Variants in SLC26A11 observed in about 807,000 individuals in gnomAD.
The protein encoded by SLC26A11 is sodium-independent sulfate anion transporter.
SLC26A11 carries 58 observed loss-of-function variants against 62.2 expected under a neutral mutation model. The observed-to-expected ratio is 0.93, with a 90% confidence interval of 0.76 to 1.16. The LOEUF is 1.16. SLC26A11 is among the 50% of genes most tolerant of loss of function. SLC26A11 has a pLI of 0.00. For synonymous variants in SLC26A11, 411 were observed against 368.9 expected, an observed-to-expected ratio of 1.11 and a Z score of -1.31; for missense variants, 790 against 794.3, an observed-to-expected ratio of 0.99 and a Z score of 0.06.
Position 80,241,785 on chromosome 17 carries a change from T to TA in SLC26A11, c.1001dup (p.Tyr334Ter). 6.2e-7 allele frequency: 1 copy of TA among 1,614,168 alleles called. No homozygotes were observed. Among genetic ancestry groups the TA allele is most frequent in the Non-Finnish European group, 8.5e-7 (1 of 1,180,034 alleles). The change falls in exon 10 of 18, where the codon TAC becomes TAAC. Residue 334 changes from tyrosine (Y) to a stop codon, truncating the protein, a stop_gained and frameshift_variant. Coordinates refer to ENST00000361193, the MANE Select transcript of SLC26A11 (RefSeq NM_001166347.2). LOFTEE classifies it high-confidence loss of function. ...GTTCCCTTTAGCATCTCAGAATAAT[T>TA]ACCGCATCGATGCCAACCAGGAGCT... ...VAKAFASQNN[Y>*]RIDANQELLA...
At chr17:80,225,185 G>T (rs927560773) in intron 5 of SLC26A11, among the ~76,000 whole-genome samples, 2 of 143,302 alleles carry the variant, frequency 1.4e-5, no homozygotes, top group African/African-American at 5.2e-5. Flanking sequence ...CCAACCCCCC[G>T]CCGCTCTCTA....
intron 7 of SLC26A11, among the ~76,000 whole-genome samples, chr17:80,232,990 A>T (rs2042600476): frequency 6.6e-6 from 1 of 152,088 alleles, no homozygotes; most frequent in South Asian, 2.1e-4. Context: ...GCTCACACCT[A>T]TAATCCTAGC....
chr17:80,249,385 C>T (rs2043099456), intron 16 of SLC26A11, 98 bp downstream of exon 16: 1 of 1,487,398 alleles, frequency 6.7e-7, no homozygotes, highest in Non-Finnish European at 9.1e-7. Context: ...GGCTGTGATG[C>T]TGGACGGCCC....
At position 80,252,425 on chromosome 17, in the gene SLC26A11, C is replaced by T. The variant is rs536606168; in HGVS notation, c.1730-200C>T. ...GTACCCTGGAGCAGTAAGAAAGGGC[C>T]GTTAGTCACCTGAAAAATACGCTTA... On this transcript the variant is annotated intron_variant, in intron 17 of 17. Transcript: ENST00000361193. This position sits in a 1 kb window ranked among gnomAD's most constrained non-coding sequence, Gnocchi z 5.2. Among the ~76,000 whole-genome samples, 3 of 152,114 alleles carry T rather than the reference C, an allele frequency of 2.0e-5. No homozygotes were observed. Among genetic ancestry groups the T allele is most frequent in the Admixed American group, 6.5e-5 (1 of 15,286 alleles).
At chr17:80,237,488 G>A in intron 8 of SLC26A11, 34 bp from the exon 9 acceptor site, 1 of 1,586,282 alleles carries the variant, frequency 6.3e-7, no homozygotes. Context: ...TACCCCTTAG[G>A]AAGGTCACTC....
Position 80,221,745 on chromosome 17 carries a change from C to G in SLC26A11, c.185C>G (p.Ala62Gly), listed in dbSNP as rs780138047. 1 of 1,613,516 alleles carries G rather than the reference C, an allele frequency of 6.2e-7. No individual in the cohort carries two copies. The highest frequency in any genetic ancestry group is 8.5e-7 in the Non-Finnish European group (1 of 1,180,036). Residue 62 changes from alanine to glycine, a missense_variant, in exon 3 of 18, where the codon GCC (alanine) becomes GGC (glycine). Transcript: ENST00000361193. ...GCCGGCCTCTCAGTTGGCCTCACTGCCATTCCCCAGGCGCTGGCCTATGCT... is the reference window on the plus strand; with the variant it reads ...GCCGGCCTCTCAGTTGGCCTCACTGGCATTCCCCAGGCGCTGGCCTATGCT... Reference protein sequence around the residue: ...FVAGLSVGLTAIPQALAYAEV... With the variant: ...FVAGLSVGLTGIPQALAYAEV...
intron 6 of SLC26A11, among the ~76,000 whole-genome samples, chr17:80,226,889 G>A (rs1037732804): frequency 1.3e-5 from 2 of 152,154 alleles, no homozygotes; most frequent in Non-Finnish European, 2.9e-5. Flanking sequence ...GGCGATCCTG[G>A]ACCATCTTCC....
chr17:80,236,240 C>T (rs2042686824), intron 7 of SLC26A11, among the ~76,000 whole-genome samples: 1 of 152,186 alleles, frequency 6.6e-6, no homozygotes, highest in Non-Finnish European at 1.5e-5. Context: ...TTGCCTCGAC[C>T]AGTTCTCTGC....
At chr17:80,232,746 C>T (rs2042595230) in intron 7 of SLC26A11, among the ~76,000 whole-genome samples, 1 of 152,120 alleles carries the variant, frequency 6.6e-6, no homozygotes, top group African/African-American at 2.4e-5. Flanking sequence ...CTGTTTGTCT[C>T]ATTTGTTCTT....
intron 16 of SLC26A11, 148 bp from the exon 17 acceptor site, chr17:80,251,181 T>G (rs1360504168): frequency 5.3e-6 from 8 of 1,502,832 alleles, no homozygotes; most frequent in Non-Finnish European, 7.3e-6. Flanking sequence ...AGCATTCCCC[T>G]GGGGCTGCGT....
In SLC26A11 at chr17:80,246,427, C is replaced by T. The variant is rs1221283242; in HGVS notation, c.1154-82C>T. On this transcript the variant is annotated intron_variant, in intron 12 of 17. Transcript: ENST00000361193. This position sits in a 1 kb window ranked among gnomAD's most constrained non-coding sequence, Gnocchi z 4.4. ...TACCCCCACCCCTGTCCCCAGTGGG[C>T]TCTGCTGAACAAGAGGCTGCTACGC... 1 of 1,572,800 alleles carries T rather than the reference C, an allele frequency of 6.4e-7. No individual in the cohort carries two copies. Among genetic ancestry groups the T allele is most frequent in the Non-Finnish European group, 8.6e-7 (1 of 1,161,706 alleles).
intron 13 of SLC26A11, among the ~76,000 whole-genome samples, chr17:80,247,397 C>T (rs1272291785): frequency 1.3e-5 from 2 of 152,120 alleles, no homozygotes; most frequent in East Asian, 1.9e-4. Context: ...CAGAGGGGCT[C>T]CTCACTTCCC....
chr17:80,238,795 T>G (rs561255381), intron 9 of SLC26A11, among the ~76,000 whole-genome samples: 3 of 151,284 alleles, frequency 2.0e-5, no homozygotes, highest in Admixed American at 6.6e-5. Context: ...CTCTAACCCT[T>G]ACCCCCTTCA....
intron 5 of SLC26A11, 128 bp from the exon 6 acceptor site, chr17:80,225,709 G>C (rs1381198349): frequency 1.2e-6 from 1 of 807,258 alleles, no homozygotes; most frequent in Non-Finnish European, 2.0e-6. Context: ...GATGGGCCCC[G>C]GGAATAAGGG....
rs1598806103 is a variant in SLC26A11, at chr17:80,230,797, C to T, written c.736+2837C>T. Among the ~76,000 whole-genome samples the T allele has an allele frequency of 3.9e-5, 6 of 152,268 alleles. No individual in the cohort carries two copies. In the South Asian group the frequency reaches 1.2e-3, roughly 32 times the overall value. On this transcript the variant is annotated intron_variant, in intron 7 of 17. Coordinates refer to ENST00000361193, the MANE Select transcript of SLC26A11 (RefSeq NM_001166347.2). ...TTCTCCCCAGTGTGTGTAGCATTGT[C>T]TTAGGAAACTACTTAAAAAGCTTTT...
rs756288564 is a variant in SLC26A11 at position 80,221,565 on chromosome 17, C to T, written c.5C>T (p.Pro2Leu). Residue 2 changes from proline to leucine, a missense_variant, in exon 3 of 18, where the codon CCT (proline) becomes CTT (leucine). By Grantham distance (98) the Pro-to-Leu change is moderately conservative (BLOSUM62 -3). Coordinates refer to ENST00000361193, the MANE Select transcript of SLC26A11 (RefSeq NM_001166347.2). ...CCCCCCAGCCCCACCGTAGAGATGC[C>T]TTCTTCGGTGACGGCGCTGGGTCAG... M[P>L]SSVTALGQAR... is the part of the protein sequence containing the mutation. 14 of 1,592,704 alleles carry T rather than the reference C, an allele frequency of 8.8e-6. No homozygotes were observed. Among genetic ancestry groups the T allele is most frequent in the Non-Finnish European group, 1.2e-5 (14 of 1,174,024 alleles).
chr17:80,249,011 C>G, intron 15 of SLC26A11, 143 bp from the exon 16 acceptor site: 1 of 1,041,122 alleles, frequency 9.6e-7, no homozygotes, highest in Non-Finnish European at 1.4e-6. Flanking sequence ...ACCCGAATCC[C>G]CCAACTGGGC....
At chr17:80,224,568 G>A (rs2042352461) in intron 5 of SLC26A11, among the ~76,000 whole-genome samples, 1 of 152,146 alleles carries the variant, frequency 6.6e-6, no homozygotes, top group South Asian at 2.1e-4. Flanking sequence ...ACCCCGGGAG[G>A]TAGATTTATC....
rs2144926353 is a variant in SLC26A11 at position 80,236,784 on chromosome 17, T to A, written c.737-144T>A. 3.6e-6 allele frequency: 3 copies of A among 829,842 alleles called. No individual in the cohort carries two copies. In the African/African-American group the frequency reaches 5.1e-5, roughly 14 times the overall value. The allele number at this position is 829,842 out of a possible 1,614,324, so 51.4% of individuals were successfully genotyped here. On this transcript the variant is annotated intron_variant, in intron 7 of 17. Transcript: ENST00000361193. ...ACATAGCATTTATGTCTGTGTTGTG[T>A]TTCCCAGAGTGCAGAGTGAGGACTG... is the stretch of plus-strand genomic sequence containing the variant.
Sources: allele counts gnomAD v4.1 joint callset (sites outside exome capture counted in the v4.1 genomes callset), GRCh38; gene constraint gnomAD v4.1.1; non-coding constraint Gnocchi (gnomAD v3.1); transcripts MANE v1.5; gene names NCBI Gene and HGNC (gene_info 2026-07-23, HGNC 2026-07-21).